LMO7: variants seen among roughly 807,000 people sequenced by gnomAD.
LMO7 encodes the protein LIM domain only protein 7.
Under a neutral mutation model 206.5 loss-of-function variants are expected in LMO7, and 120 were observed. That is an observed-to-expected ratio of 0.58 (90% CI 0.50 to 0.68). The LOEUF is 0.68. LMO7 is among the 30% of genes least tolerant of loss of function. The pLI, the probability that LMO7 is intolerant of heterozygous loss-of-function variation, is 0.00. For synonymous variants in LMO7, 706 were observed against 681.5 expected (o/e 1.04, Z -0.56); for missense variants, 1,959 against 1,957.9 (o/e 1.00, Z -0.01).
chr13:75,659,408 C>T (rs553686935), intron 1 of LMO7, among the ~76,000 whole-genome samples: 17 of 152,228 alleles, frequency 1.1e-4, no homozygotes, highest in African/African-American at 2.9e-4. Flanking sequence ...AAAACATACC[C>T]GAGACTGGGA....
intron 3 of LMO7, among the ~76,000 whole-genome samples, chr13:75,736,344 C>T (rs1020831796): frequency 3.3e-5 from 5 of 152,226 alleles, no homozygotes; most frequent in African/African-American, 1.2e-4. Context: ...CACTTGACTC[C>T]TTCTGATGCC....
At chr13:75,818,999 G>T (rs570098942) in intron 12 of LMO7, among the ~76,000 whole-genome samples, 1 of 152,186 alleles carries the variant, frequency 6.6e-6, no homozygotes, top group Non-Finnish European at 1.5e-5. Flanking sequence ...CATCACAATC[G>T]TGTTTCTGTT....
chr13:75,847,595 G>A (rs567249018), intron 26 of LMO7, among the ~76,000 whole-genome samples: 3 of 152,314 alleles, frequency 2.0e-5, no homozygotes, highest in African/African-American at 7.2e-5. Flanking sequence ...TCCCCAGGGA[G>A]AGTATATATT....
intron 2 of LMO7, among the ~76,000 whole-genome samples, chr13:75,630,346 AAGAG>A (rs1232103615): frequency 2.6e-5 from 4 of 152,324 alleles, no homozygotes; most frequent in South Asian, 2.1e-4. Flanking sequence ...ACTTGGAAAA[AAGAG>A]AGAAGTACAA....
intron 1 of LMO7, among the ~76,000 whole-genome samples, chr13:75,698,854 A>G (rs1215011693): frequency 6.6e-6 from 1 of 152,148 alleles, no homozygotes; most frequent in African/African-American, 2.4e-5. Context: ...TCACTCTTTT[A>G]AAGTATATAA....
In LMO7 at chr13:75,695,993, G is replaced by C. The variant is rs1196074191; in HGVS notation, c.70-17189G>C. ...GCTGTTTAGACTGCTGCAGTACTCA[G>C]AATGTGCCAGCAGGTGGCAGCAGAG... On this transcript the variant is annotated intron_variant, in intron 1 of 30. Transcript: ENST00000377534. 3.9e-5 allele frequency among the ~76,000 whole-genome samples: 6 copies of C among 152,332 alleles called. 1 individual carries two copies. In the South Asian group the frequency reaches 1.0e-3, roughly 26 times the overall value.
At chr13:75,853,596 G>A (rs955789151) in intron 28 of LMO7, among the ~76,000 whole-genome samples, 8 of 152,174 alleles carry the variant, frequency 5.3e-5, no homozygotes, top group Non-Finnish European at 1.2e-4. Context: ...GTCTTGTGAA[G>A]CCACTGGAGA....
Position 75,819,536 on chromosome 13 carries a change from GTAA to G in LMO7, c.2207+6_2207+8del. ...CGTTTAAGGAAATGCTGCAGGACAG[GTAA>G]TAATGCTGAATGCACCTCGGTTGTA... On this transcript the variant is annotated splice_donor_variant and splice_donor_region_variant and intron_variant, in intron 13 of 30. Coordinates refer to ENST00000377534, the MANE Select transcript of LMO7 (RefSeq NM_001306080.2). LOFTEE classifies it high-confidence loss of function. The G allele has an allele frequency of 6.3e-7, 1 of 1,579,298 alleles. No individual in the cohort carries two copies. The highest frequency in any genetic ancestry group is 8.6e-7 in the Non-Finnish European group (1 of 1,169,222).
intron 15 of LMO7, among the ~76,000 whole-genome samples, chr13:75,830,960 A>G (rs1422954178): frequency 6.6e-6 from 1 of 152,136 alleles, no homozygotes; most frequent in Non-Finnish European, 1.5e-5. Context: ...TTATATAGCA[A>G]ATAGATTCTG....
intron 1 of LMO7, among the ~76,000 whole-genome samples, chr13:75,637,928 G>A (rs183555049): frequency 6.6e-5 from 10 of 152,178 alleles, no homozygotes; most frequent in African/African-American, 2.4e-4. Flanking sequence ...AAGATGTGAA[G>A]GGAGGGGCAT....
In LMO7 at chr13:75,804,464, A is replaced by G; in HGVS notation, c.837A>G (p.Lys279=). The change falls in exon 8 of 31, where the codon AAA becomes AAG. Residue 279 remains lysine (K), a synonymous_variant. Coordinates refer to ENST00000377534, the MANE Select transcript of LMO7 (RefSeq NM_001306080.2). The part of the protein sequence containing the change: ...PSYVPAPLRK[K]KPDKHEDNRR... ...ATGTACCAGCACCTCTGAGAAAGAA[A>G]AAGCCAGACAAACATGAGGATAACA... is the stretch of plus-strand genomic sequence containing the variant. The G allele has an allele frequency of 6.2e-7, 1 of 1,614,216 alleles. No homozygotes were observed. Among genetic ancestry groups the G allele is most frequent in the South Asian group, 1.1e-5 (1 of 91,084 alleles).
At chr13:75,751,254 A>G (rs2047254882) in intron 3 of LMO7, among the ~76,000 whole-genome samples, 1 of 130,448 alleles carries the variant, frequency 7.7e-6, no homozygotes, top group Non-Finnish European at 1.6e-5. Flanking sequence ...TCCACCTCCC[A>G]GGTTCACACC....
At chr13:75,781,755 G>T (rs2051478977) in intron 4 of LMO7, among the ~76,000 whole-genome samples, 1 of 152,074 alleles carries the variant, frequency 6.6e-6, no homozygotes, top group Non-Finnish European at 1.5e-5. Context: ...CAGTGTAAAA[G>T]TGTTCCTATT....
chr13:75,714,070 T>C (rs923757432), intron 2 of LMO7, among the ~76,000 whole-genome samples: 1 of 152,244 alleles, frequency 6.6e-6, no homozygotes, highest in South Asian at 2.1e-4. Flanking sequence ...GTATTTATGC[T>C]ATCTGTCCAC....
chr13:75,856,429 T>C (rs1017520651), intron 29 of LMO7, 77 bp from the exon 30 acceptor site: 10 of 824,538 alleles, frequency 1.2e-5, no homozygotes, highest in Admixed American at 9.3e-5. Context: ...TCTGCTCATT[T>C]CCCCCCCACC....
chr13:75,680,108 C>G (rs2139484104), intron 1 of LMO7, among the ~76,000 whole-genome samples: 1 of 152,268 alleles, frequency 6.6e-6, no homozygotes, highest in Middle Eastern at 3.4e-3. Flanking sequence ...TCCATGTGTT[C>G]TCATTGTTCA....
At chr13:75,803,325 C>G (rs1462032446) in intron 7 of LMO7, among the ~76,000 whole-genome samples, 1 of 152,214 alleles carries the variant, frequency 6.6e-6, no homozygotes, top group Non-Finnish European at 1.5e-5. Flanking sequence ...GTTAACCCTG[C>G]AGGTGCTCTA....
chr13:75,704,590 G>A (rs1332062843), intron 1 of LMO7, among the ~76,000 whole-genome samples: 1 of 152,142 alleles, frequency 6.6e-6, no homozygotes, highest in African/African-American at 2.4e-5. Flanking sequence ...GGGATTCTAG[G>A]CACCTTTTAA....
At chr13:75,827,857 C>G (rs1566561049) in intron 15 of LMO7, among the ~76,000 whole-genome samples, 1 of 152,226 alleles carries the variant, frequency 6.6e-6, no homozygotes, top group Non-Finnish European at 1.5e-5. Context: ...AGGAAGCTTT[C>G]TGCATGTCCA....
Sources: gnomAD v4.1 joint callset for allele counts (sites outside exome capture counted in the v4.1 genomes callset) on GRCh38, gnomAD v4.1.1 for gene constraint, MANE v1.5 for transcripts, NCBI Gene and HGNC (gene_info 2026-07-23, HGNC 2026-07-21) for gene names.